KCNIP4: variants seen among roughly 807,000 people sequenced by gnomAD.
KCNIP4 encodes the protein Kv channel-interacting protein 4.
Under a neutral mutation model 34.0 loss-of-function variants are expected in KCNIP4, and 12 were observed. That is an observed-to-expected ratio of 0.35 (90% CI 0.23 to 0.57). The LOEUF is 0.57. Among genes scored for constraint, KCNIP4 ranks in the 20% least tolerant of loss-of-function variants. KCNIP4 has a pLI of 0.83. For synonymous variants in KCNIP4, 124 were observed against 102.2 expected (o/e 1.21, Z -1.29); for missense variants, 238 against 311.7 (o/e 0.76, Z 1.78).
At chr4:21,039,676 C>A (rs375189487) in intron 1 of KCNIP4, among the ~76,000 whole-genome samples, 5 of 152,170 alleles carry the variant, frequency 3.3e-5, no homozygotes, top group Non-Finnish European at 7.3e-5. Flanking sequence ...ATTGCTCTTA[C>A]TTGTTTATGT....
intron 1 of KCNIP4, among the ~76,000 whole-genome samples, chr4:21,150,674 T>C (rs1452884633): frequency 1.3e-5 from 2 of 152,198 alleles, no homozygotes; most frequent in Non-Finnish European, 2.9e-5. Context: ...TGTGTGTGGT[T>C]ACCCACACAA....
chr4:21,204,156 T>C (rs1313074754), intron 1 of KCNIP4, among the ~76,000 whole-genome samples: 1 of 146,828 alleles, frequency 6.8e-6, no homozygotes, highest in Non-Finnish European at 1.5e-5. Flanking sequence ...ACTTCTATTT[T>C]GTATTTCCTC....
intron 1 of KCNIP4, among the ~76,000 whole-genome samples, chr4:21,856,718 T>C (rs1313665055): frequency 6.6e-6 from 1 of 152,044 alleles, no homozygotes; most frequent in Non-Finnish European, 1.5e-5. Context: ...CTGGAAGCCC[T>C]CCCCTTCCAC....
intron 1 of KCNIP4, among the ~76,000 whole-genome samples, chr4:21,720,365 A>G (rs1048428366): frequency 5.9e-5 from 9 of 152,164 alleles, no homozygotes; most frequent in African/African-American, 2.2e-4. Flanking sequence ...GGAGCCTCAG[A>G]GCAAATAGAT....
At chr4:21,270,892 A>T (rs1054774284) in intron 1 of KCNIP4, among the ~76,000 whole-genome samples, 1 of 151,114 alleles carries the variant, frequency 6.6e-6, no homozygotes, top group Non-Finnish European at 1.5e-5. Context: ...GGGCTGAGGC[A>T]GGAGAATTGC....
At chr4:21,092,517 T>C (rs1181169366) in intron 1 of KCNIP4, among the ~76,000 whole-genome samples, 2 of 152,220 alleles carry the variant, frequency 1.3e-5, no homozygotes, top group African/African-American at 2.4e-5. Context: ...AAGAATGAAC[T>C]TGAGTGAGCT....
At chr4:21,814,607 G>A (rs547930967) in intron 1 of KCNIP4, among the ~76,000 whole-genome samples, 25 of 152,188 alleles carry the variant, frequency 1.6e-4, no homozygotes, top group African/African-American at 1.4e-4. Flanking sequence ...TATCAGCAGC[G>A]TGAGAAGAGA....
At position 21,707,144 on chromosome 4, in the gene KCNIP4, C is replaced by T. The variant is rs147693254; in HGVS notation, c.61+241427G>A. Among the ~76,000 whole-genome samples, 39 of 152,254 alleles carry T rather than the reference C, an allele frequency of 2.6e-4. 1 individual carries two copies. The highest frequency in any genetic ancestry group is 6.7e-4 in the African/African-American group (28 of 41,558). On this transcript the variant is annotated intron_variant, in intron 1 of 8. Transcript: ENST00000382152. Reference sequence around the variant, plus strand: ...AGGTCTAAATTGACCACAAACCATACGATAAACATTTTAGGTAATGTCTAA... The same window carrying T: ...AGGTCTAAATTGACCACAAACCATATGATAAACATTTTAGGTAATGTCTAA...
In KCNIP4 at chr4:21,636,081, T is replaced by C. The variant is rs951950452; in HGVS notation, c.61+312490A>G. Among the ~76,000 whole-genome samples the C allele has an allele frequency of 1.0e-4, 14 of 138,410 alleles. No individual in the cohort carries two copies. In the South Asian group the frequency reaches 1.1e-3, roughly 11 times the overall value. The allele number at this position is 138,410 out of a possible 152,430, so 90.8% of individuals were successfully genotyped here. A position where few individuals can be genotyped will look rare whatever the true frequency, so the allele number is the denominator to read the frequency against. On this transcript the variant is annotated intron_variant, in intron 1 of 8. Transcript: ENST00000382152. ...ACATATTCTCACTCATAGGTGGGAA[T>C]TGAACAATGAGATCACATGGACACA...
chr4:21,473,822 T>C (rs1231761747), intron 1 of KCNIP4, among the ~76,000 whole-genome samples: 1 of 151,900 alleles, frequency 6.6e-6, no homozygotes, highest in Non-Finnish European at 1.5e-5. Context: ...CAAGCGATTC[T>C]CCTGCCTCAG....
At chr4:20,760,353 T>C (rs1754856513) in intron 3 of KCNIP4, among the ~76,000 whole-genome samples, 1 of 152,200 alleles carries the variant, frequency 6.6e-6, no homozygotes. Context: ...AATTTGATAC[T>C]GTTTCCAGCA....
chr4:20,988,829 A>G (rs958240450), intron 1 of KCNIP4, among the ~76,000 whole-genome samples: 1 of 152,216 alleles, frequency 6.6e-6, no homozygotes, highest in African/African-American at 2.4e-5. Context: ...GCCTCAAGGC[A>G]GGGGATAGAT....
chr4:21,811,890 A>G (rs897867863), intron 1 of KCNIP4, among the ~76,000 whole-genome samples: 1 of 152,206 alleles, frequency 6.6e-6, no homozygotes, highest in Non-Finnish European at 1.5e-5. Context: ...CATGGTTACA[A>G]ATGAGGCCAA....
At chr4:21,800,188 A>C (rs2012445) in intron 1 of KCNIP4, among the ~76,000 whole-genome samples, 58,192 of 152,048 alleles carry the variant, frequency 0.38, 12,659 homozygotes, top group Non-Finnish European at 0.51. Context: ...TATCAGTGAC[A>C]AAATTATTTA....
In KCNIP4 at chr4:21,030,954, A is replaced by C. The variant is rs144147658; in HGVS notation, c.62-148245T>G. 3.1e-4 allele frequency among the ~76,000 whole-genome samples: 47 copies of C among 152,278 alleles called. No homozygotes were observed. The East Asian group carries it at 8.9e-3, about 29-fold the overall frequency. On this transcript the variant is annotated intron_variant, in intron 1 of 8. Transcript: ENST00000382152. ...GTCTCATTCAGAGCTACAGCTGTCC[A>C]TGGCTCTGCTTGAGGGTGTTCCCCA...
At chr4:21,867,338 C>T (rs1036936598) in intron 1 of KCNIP4, among the ~76,000 whole-genome samples, 2 of 152,058 alleles carry the variant, frequency 1.3e-5, no homozygotes, top group East Asian at 1.9e-4. Flanking sequence ...AAAAAATTTA[C>T]CAGAGGGGGT....
intron 1 of KCNIP4, among the ~76,000 whole-genome samples, chr4:21,678,643 C>T (rs35600492): frequency 0.15 from 22,321 of 152,142 alleles, 1,771 homozygotes; most frequent in African/African-American, 0.19. Flanking sequence ...GGAACACAGC[C>T]TGCCTTGTGA....
At chr4:20,832,417 T>G in intron 3 of KCNIP4, among the ~76,000 whole-genome samples, 1 of 152,194 alleles carries the variant, frequency 6.6e-6, no homozygotes, top group Admixed American at 6.5e-5. Context: ...AGCTGAACAC[T>G]TGACTTCTGA....
intron 1 of KCNIP4, among the ~76,000 whole-genome samples, chr4:21,347,950 T>G (rs1232966786): frequency 6.6e-6 from 1 of 152,186 alleles, no homozygotes; most frequent in Non-Finnish European, 1.5e-5. Flanking sequence ...CACACAGCAA[T>G]AACAAGTTCT....
Sources: gnomAD v4.1 joint callset for allele counts (sites outside exome capture counted in the v4.1 genomes callset) on GRCh38, gnomAD v4.1.1 for gene constraint, MANE v1.5 for transcripts, NCBI Gene and HGNC (gene_info 2026-07-23, HGNC 2026-07-21) for gene names.